Variants in NCAM1 observed in about 807,000 individuals in gnomAD.
The protein encoded by NCAM1 is neural cell adhesion molecule 1.
Under a neutral mutation model 109.8 loss-of-function variants are expected in NCAM1, and 14 were observed. The ratio of observed to expected loss-of-function variants is 0.13; its 90% CI spans 0.08 to 0.20. The LOEUF is 0.20. NCAM1 is among the 10% of genes least tolerant of loss of function. NCAM1 has a pLI of 1.00. For missense variants in NCAM1, 774 were observed against 1,109.9 expected (o/e 0.70, Z 4.30); for synonymous variants, 418 against 442.9 (o/e 0.94, Z 0.70).
intron 9 of NCAM1, 59 bp downstream of exon 9, chr11:113,221,384 A>G: frequency 6.6e-7 from 1 of 1,516,224 alleles, no homozygotes; most frequent in Non-Finnish European, 9.0e-7. Context: ...AGTTTAACTC[A>G]CCATTGCAGT....
intron 1 of NCAM1, among the ~76,000 whole-genome samples, chr11:112,973,199 T>C (rs1253332685): frequency 6.6e-6 from 1 of 152,188 alleles, no homozygotes; most frequent in Non-Finnish European, 1.5e-5. Flanking sequence ...TGTGCTGTTT[T>C]TATCAGATCA....
At chr11:113,069,205 T>A (rs141546926) in intron 1 of NCAM1, among the ~76,000 whole-genome samples, 1 of 152,118 alleles carries the variant, frequency 6.6e-6, no homozygotes, top group East Asian at 1.9e-4. Context: ...CAGAGAGATG[T>A]CTAGAGAAAA....
At position 113,158,576 on chromosome 11, in the gene NCAM1, G is replaced by A. The variant is rs149467165; in HGVS notation, c.53-43803G>A. On this transcript the variant is annotated intron_variant, in intron 1 of 19. Transcript: ENST00000316851. The stretch of plus-strand genomic sequence containing the variant: ...CTCCCCTTGTCCCTCCATCTTTGTT[G>A]CTCCTGTAATAAGCCAATCCCTGTG... 7.9e-5 allele frequency among the ~76,000 whole-genome samples: 12 copies of A among 152,238 alleles called. No individual in the cohort carries two copies. In the South Asian group the frequency reaches 2.3e-3, roughly 29 times the overall value.
chr11:112,967,694 A>G (rs1555065853), intron 1 of NCAM1, among the ~76,000 whole-genome samples: 1 of 152,190 alleles, frequency 6.6e-6, no homozygotes, highest in Non-Finnish European at 1.5e-5. Context: ...CCCTCTTTTT[A>G]GAAGGATTTT....
At chr11:113,192,968 C>T (rs72993590) in intron 1 of NCAM1, among the ~76,000 whole-genome samples, 24,231 of 152,158 alleles carry the variant, frequency 0.16, 2,099 homozygotes, top group Non-Finnish European at 0.2. Flanking sequence ...ACCCCCCACA[C>T]CCTTGGCTAT....
At chr11:113,173,474 C>T (rs190535928) in intron 1 of NCAM1, among the ~76,000 whole-genome samples, 1 of 151,644 alleles carries the variant, frequency 6.6e-6, no homozygotes, top group African/African-American at 2.4e-5. Context: ...AGGGAAGCAG[C>T]TATGTGCGTG....
chr11:113,212,814 C>G (rs782344006), intron 7 of NCAM1, among the ~76,000 whole-genome samples: 1 of 152,044 alleles, frequency 6.6e-6, no homozygotes. Flanking sequence ...CCTTCCAATA[C>G]GAGTTGTAAT....
At chr11:113,150,570 G>A (rs1591368671) in intron 1 of NCAM1, among the ~76,000 whole-genome samples, 1 of 152,302 alleles carries the variant, frequency 6.6e-6, no homozygotes, top group Admixed American at 6.5e-5. Flanking sequence ...GGAGTCAACA[G>A]CATAGGACCC....
chr11:113,201,901 G>T (rs1045815848), intron 1 of NCAM1, among the ~76,000 whole-genome samples: 1 of 152,208 alleles, frequency 6.6e-6, no homozygotes, highest in African/African-American at 2.4e-5. Flanking sequence ...TGGGGAACTG[G>T]CAGGAGACCC....
rs142678558 is a variant in NCAM1 at position 113,048,917 on chromosome 11, G to T, written c.52+87253G>T. ...GGTTTACAATCCTTCAGTATTCCTT[G>T]AAGGGGTGTTTCTTGGGGTGCTCTT... On this transcript the variant is annotated intron_variant, in intron 1 of 19. Transcript: ENST00000316851. Among the ~76,000 whole-genome samples the T allele has an allele frequency of 1.4e-3, 207 of 152,294 alleles. 2 individuals carry two copies. Among genetic ancestry groups the T allele is most frequent in the African/African-American group, 4.8e-3 (199 of 41,564 alleles).
At chr11:113,035,770 A>G (rs1952857555) in intron 1 of NCAM1, among the ~76,000 whole-genome samples, 1 of 148,556 alleles carries the variant, frequency 6.7e-6, no homozygotes, top group South Asian at 2.5e-4. Flanking sequence ...CTGTTATTTT[A>G]TTATTACTGT....
At chr11:113,155,363 G>A (rs1555103274) in intron 1 of NCAM1, among the ~76,000 whole-genome samples, 1 of 151,972 alleles carries the variant, frequency 6.6e-6, no homozygotes, top group African/African-American at 2.4e-5. Flanking sequence ...ACAAAAGTTA[G>A]CTGGGTGTGG....
chr11:113,130,050 C>T (rs1941328829), intron 1 of NCAM1, among the ~76,000 whole-genome samples: 1 of 152,092 alleles, frequency 6.6e-6, no homozygotes, highest in Non-Finnish European at 1.5e-5. Flanking sequence ...TTGGTGATAC[C>T]ATTAATTCAA....
chr11:113,256,344 C>A (rs890101711), intron 16 of NCAM1, among the ~76,000 whole-genome samples: 2 of 152,270 alleles, frequency 1.3e-5, no homozygotes, highest in Non-Finnish European at 2.9e-5. Flanking sequence ...AGAATCCCTA[C>A]CTTGGATAAC....
chr11:113,238,804 C>T lies in NCAM1; in HGVS notation c.1825+3640C>T, dbSNP rs148189724. On this transcript the variant is annotated intron_variant, in intron 14 of 19. Coordinates refer to ENST00000316851, the MANE Select transcript of NCAM1 (RefSeq NM_181351.5). Reference sequence around the variant, plus strand: ...GGGATGCAGATGCACAGCAGGATCTCCTACCACTGGAGTTGTGCTCTGGTT... The same window carrying T: ...GGGATGCAGATGCACAGCAGGATCTTCTACCACTGGAGTTGTGCTCTGGTT... 4.9e-4 allele frequency among the ~76,000 whole-genome samples: 74 copies of T among 152,278 alleles called. No individual in the cohort carries two copies. In the East Asian group the frequency reaches 0.014, roughly 29 times the overall value.
rs1555063420 is a variant in NCAM1, at chr11:112,962,151, G to T, written c.52+487G>T. Among the ~76,000 whole-genome samples, 1 of 152,214 alleles carries T rather than the reference G, an allele frequency of 6.6e-6. No individual in the cohort carries two copies. Among genetic ancestry groups the T allele is most frequent in the Non-Finnish European group, 1.5e-5 (1 of 68,026 alleles). ...AGCCGCCCCAGATCGTTATATTCCT[G>T]GGTCTAATAAAGTCAGGATCGCTGC... On this transcript the variant is annotated intron_variant, in intron 1 of 19. Coordinates refer to ENST00000316851, the MANE Select transcript of NCAM1 (RefSeq NM_181351.5). This position sits in a 1 kb window ranked among gnomAD's most constrained non-coding sequence, Gnocchi z 5.6.
intron 1 of NCAM1, among the ~76,000 whole-genome samples, chr11:113,157,136 G>GACACACACACACACACACACACACAC (rs112454729): frequency 2.7e-5 from 4 of 146,974 alleles, no homozygotes; most frequent in African/African-American, 9.9e-5. Flanking sequence ...GTTTCCCTGA[G>GACACACACACACACACACACACACAC]ACACACACAC....
intron 1 of NCAM1, among the ~76,000 whole-genome samples, chr11:112,971,177 AAG>A (rs1176358300): frequency 6.6e-6 from 1 of 151,868 alleles, no homozygotes; most frequent in African/African-American, 2.4e-5. Context: ...GAAGTGGAAA[AAG>A]AGAGTGTGTT....
At chr11:113,275,138 C>A in intron 19 of NCAM1, 129 bp from the exon 20 acceptor site, 1 of 1,239,092 alleles carries the variant, frequency 8.1e-7, no homozygotes. Context: ...ATTTGACGGG[C>A]AGAGGTTGGA....
Sources: allele counts gnomAD v4.1 joint callset (sites outside exome capture counted in the v4.1 genomes callset), GRCh38; gene constraint gnomAD v4.1.1; non-coding constraint Gnocchi (gnomAD v3.1); transcripts MANE v1.5; gene names NCBI Gene and HGNC (gene_info 2026-07-23, HGNC 2026-07-21).